The following PHF7 variants were observed in gnomAD, a reference collection of about 807,000 sequenced individuals.
PHF7 encodes the protein PHD finger protein 7.
PHF7 carries 24 observed loss-of-function variants against 47.5 expected under a neutral mutation model. The ratio of observed to expected loss-of-function variants is 0.51; its 90% CI spans 0.37 to 0.71. The LOEUF (loss-of-function observed/expected upper bound fraction) is 0.71, where lower values mean the gene tolerates loss of function less well. Ranked by LOEUF, PHF7 falls within the 30% of genes least tolerant of loss-of-function variation. PHF7 has a pLI of 0.00. For synonymous variants in PHF7, 156 were observed against 153.8 expected, an observed-to-expected ratio of 1.01 and a Z score of -0.11; for missense variants, 361 against 456.8, an observed-to-expected ratio of 0.79 and a Z score of 1.91.
intron 4 of PHF7, among the ~76,000 whole-genome samples, chr3:52,417,758 C>A (rs1376935102): frequency 6.6e-6 from 1 of 152,178 alleles, no homozygotes; most frequent in Non-Finnish European, 1.5e-5. Flanking sequence ...TTCTCTCAAT[C>A]TTTGCCTTTT....
intron 4 of PHF7, among the ~76,000 whole-genome samples, chr3:52,415,680 G>A (rs996350373): frequency 1.3e-5 from 2 of 152,126 alleles, no homozygotes; most frequent in Non-Finnish European, 2.9e-5. Context: ...ACAGTGTTTT[G>A]GAGATTCATC....
chr3:52,416,001 G>C (rs973894339), intron 4 of PHF7, among the ~76,000 whole-genome samples: 1 of 152,148 alleles, frequency 6.6e-6, no homozygotes, highest in Non-Finnish European at 1.5e-5. Context: ...ACTCCTACCA[G>C]CAATTTATAA....
In PHF7 at chr3:52,413,982, T is replaced by C. The variant is rs367664585; in HGVS notation, c.42-14T>C. The C allele has an allele frequency of 4.9e-5, 77 of 1,585,046 alleles. No individual in the cohort carries two copies. The highest frequency in any genetic ancestry group is 6.6e-5 in the Non-Finnish European group (76 of 1,153,974). Reference sequence around the variant, plus strand: ...CCCAAAGAACACCTTGTGCTTCTTATTTCTCTTGTATAGAAAATCTGCCAA... The same window carrying C: ...CCCAAAGAACACCTTGTGCTTCTTACTTCTCTTGTATAGAAAATCTGCCAA... On this transcript the variant is annotated splice_polypyrimidine_tract_variant and intron_variant, in intron 2 of 10. Coordinates refer to ENST00000327906, the MANE Select transcript of PHF7 (RefSeq NM_016483.7).
intron 10 of PHF7, 51 bp downstream of exon 10, chr3:52,422,932 A>T (rs1705838280): frequency 6.2e-7 from 1 of 1,610,546 alleles, no homozygotes; most frequent in South Asian, 1.1e-5. Flanking sequence ...GGCTGTAGGG[A>T]CTTGTGGTGC....
At chr3:52,418,877 G>T (rs946641340) in intron 4 of PHF7, among the ~76,000 whole-genome samples, 1 of 149,854 alleles carries the variant, frequency 6.7e-6, no homozygotes, top group African/African-American at 2.5e-5. Flanking sequence ...GCCTGATCTT[G>T]GCTCACTTCA....
intron 6 of PHF7, among the ~76,000 whole-genome samples, chr3:52,420,699 T>C (rs1705760440): frequency 6.6e-6 from 1 of 152,186 alleles, no homozygotes; most frequent in South Asian, 2.1e-4. Context: ...AACGAGAGGC[T>C]ATGGAGACAG....
intron 1 of PHF7, among the ~76,000 whole-genome samples, chr3:52,412,402 T>TA (rs1436835582): frequency 1.3e-5 from 2 of 152,208 alleles, no homozygotes; most frequent in Non-Finnish European, 2.9e-5. Context: ...TCCTGAGTGC[T>TA]ACTTCACGTA....
chr3:52,423,372 A>G lies in PHF7; in HGVS notation c.*55A>G, dbSNP rs1705857600. 12 of 1,205,738 alleles carry G rather than the reference A, an allele frequency of 1.0e-5. No homozygotes were observed. The East Asian group carries it at 2.6e-4, about 26-fold the overall frequency. The allele number at this position is 1,205,738 out of a possible 1,614,324, so 74.7% of individuals were successfully genotyped here. ...ATAGGGTATGAAGCTGCGCTCCTCC[A>G]TCGGGTTTGGGGAGGGAGCACTCTG... On this transcript the variant is annotated 3_prime_UTR_variant, in exon 11 of 11. Coordinates refer to ENST00000327906, the MANE Select transcript of PHF7 (RefSeq NM_016483.7).
chr3:52,420,227 C>G, intron 5 of PHF7, 84 bp from the exon 6 acceptor site: 1 of 1,470,480 alleles, frequency 6.8e-7, no homozygotes. Context: ...TTTCACAAAA[C>G]TTCCATTTAA....
At chr3:52,420,844 G>A (rs1705764377) in intron 6 of PHF7, 59 bp from the exon 7 acceptor site, 4 of 1,516,812 alleles carry the variant, frequency 2.6e-6, no homozygotes, top group Non-Finnish European at 3.6e-6. Context: ...TCCTAGAGCG[G>A]GCCATTGGGA....
intron 4 of PHF7, among the ~76,000 whole-genome samples, chr3:52,418,147 T>G (rs1705677817): frequency 6.6e-6 from 1 of 152,332 alleles, no homozygotes; most frequent in Middle Eastern, 3.4e-3. Flanking sequence ...GTCCTTTTTA[T>G]ATGGTGCTGG....
At position 52,423,216 on chromosome 3, in the gene PHF7, C is replaced by A. The variant is rs1705849481; in HGVS notation, c.1045C>A (p.Pro349Thr). ...CCTTTCTTGGACTGATTGGCCAGAA[C>A]CTTCCTTATTAGAAAAGCCAGAGTC... ...PGLSWTDWPE[P>T]SLLEKPESSR... Residue 349 changes from proline (P) to threonine (T), a missense_variant, in exon 11 of 11, where the codon CCT becomes ACT. Transcript: ENST00000327906. The A allele has an allele frequency of 6.2e-7, 1 of 1,613,958 alleles. No homozygotes were observed. The highest frequency in any genetic ancestry group is 1.1e-5 in the South Asian group (1 of 91,084).
Position 52,422,873 on chromosome 3 carries a change from C to T in PHF7, c.911C>T (p.Ala304Val). 1 of 1,614,114 alleles carries T rather than the reference C, an allele frequency of 6.2e-7. No homozygotes were observed. Among genetic ancestry groups the T allele is most frequent in the East Asian group, 2.2e-5 (1 of 44,882 alleles). ...KWECEECSPAAATDYIPENSG... is the reference protein window; with the variant it reads ...KWECEECSPAVATDYIPENSG... ...GAGTGTGAGGAGTGTTCACCTGCTG[C>T]AGCCACAGGTGAGGCTGGAGGGATG... Residue 304 changes from alanine (A) to valine (V), a missense_variant, in exon 10 of 11, where the codon GCA (alanine) becomes GTA (valine). Coordinates refer to ENST00000327906, the MANE Select transcript of PHF7 (RefSeq NM_016483.7).
At chr3:52,416,099 T>G (rs1222282795) in intron 4 of PHF7, among the ~76,000 whole-genome samples, 1 of 152,198 alleles carries the variant, frequency 6.6e-6, no homozygotes, top group East Asian at 1.9e-4. Context: ...TATTGGTATT[T>G]CATTGTCGTT....
intron 4 of PHF7, among the ~76,000 whole-genome samples, chr3:52,418,679 C>T (rs1417176487): frequency 1.3e-5 from 2 of 152,126 alleles, no homozygotes; most frequent in African/African-American, 2.4e-5. Context: ...ATTCCATGGG[C>T]CTGGGTGTGA....
chr3:52,422,404 A>G, intron 9 of PHF7, 66 bp downstream of exon 9: 3 of 1,001,068 alleles, frequency 3.0e-6, no homozygotes. Flanking sequence ...ACCTTGGCAC[A>G]GTTATTAGAA....
intron 3 of PHF7, 125 bp downstream of exon 3, chr3:52,414,173 A>G (rs1705551070): frequency 1.5e-6 from 1 of 682,520 alleles, no homozygotes; most frequent in African/African-American, 1.8e-5. Flanking sequence ...TAGATTCTCT[A>G]AGATCTTGAG....
intron 2 of PHF7, 63 bp downstream of exon 2, chr3:52,412,983 A>G: frequency 7.8e-7 from 1 of 1,279,790 alleles, no homozygotes; most frequent in Non-Finnish European, 1.1e-6. Flanking sequence ...TATAGGCTGC[A>G]CTTTTTGCCC....
chr3:52,412,773 G>T, intron 1 of PHF7, 38 bp from the exon 2 acceptor site: 1 of 914,806 alleles, frequency 1.1e-6, no homozygotes, highest in South Asian at 1.4e-5. Flanking sequence ...ACCAAATACA[G>T]AATTAAATTG....
Sources: gnomAD v4.1 joint callset for allele counts (sites outside exome capture counted in the v4.1 genomes callset) on GRCh38, gnomAD v4.1.1 for gene constraint, MANE v1.5 for transcripts, NCBI Gene and HGNC (gene_info 2026-07-23, HGNC 2026-07-21) for gene names.